The following PPARGC1A variants were observed in gnomAD, a reference collection of about 807,000 sequenced individuals.
PPARGC1A encodes the protein PPARG coactivator 1 alpha.
In PPARGC1A, 25 loss-of-function variants were observed where a neutral mutation model predicts 88.7. The ratio of observed to expected loss-of-function variants is 0.28; its 90% CI spans 0.21 to 0.39. The LOEUF is 0.39. PPARGC1A is among the 10% of genes least tolerant of loss of function. The pLI is 1.00. For missense variants in PPARGC1A, 880 were observed against 968.7 expected, an observed-to-expected ratio of 0.91 and a Z score of 1.22; for synonymous variants, 363 against 355.6, an observed-to-expected ratio of 1.02 and a Z score of -0.24.
the PPARGC1A span, among the ~76,000 whole-genome samples, chr4:24,179,043 C>A: frequency 0.017 from 2,631 of 150,860 alleles, 81 homozygotes; most frequent in East Asian, 0.099. Flanking sequence ...TGTGCTAGGA[C>A]TAAGCAGTGT....
chr4:23,904,101 C>G (rs570742057), upstream of PPARGC1A: 2 of 944,418 alleles, frequency 2.1e-6, no homozygotes, highest in South Asian at 9.8e-5. Flanking sequence ...ACAAGGGCTT[C>G]GGCAGGCCAC....
chr4:23,822,733 C>T (rs535189817), intron 7 of PPARGC1A, among the ~76,000 whole-genome samples: 1 of 152,182 alleles, frequency 6.6e-6, no homozygotes, highest in South Asian at 2.1e-4. Context: ...CCTCAATCTC[C>T]TCTTTATGTT....
At chr4:23,968,259 A>C in the PPARGC1A span, among the ~76,000 whole-genome samples, 294 of 152,360 alleles carry the variant, frequency 1.9e-3, 1 homozygote, top group Non-Finnish European at 1.4e-3. Flanking sequence ...GAACATATTC[A>C]GTAGGGCATA....
chr4:23,981,118 C>A, the PPARGC1A span, among the ~76,000 whole-genome samples: 1 of 151,970 alleles, frequency 6.6e-6, no homozygotes, highest in Non-Finnish European at 1.5e-5. Context: ...TTGCAAAGCA[C>A]TTCTACACAT....
At chr4:23,898,563 C>T (rs1205420600) in intron 1 of PPARGC1A, among the ~76,000 whole-genome samples, 1 of 152,210 alleles carries the variant, frequency 6.6e-6, no homozygotes, top group Non-Finnish European at 1.5e-5. Context: ...GCTGGGTTCT[C>T]ACTAGCAGTA....
chr4:24,307,298 C>T, the PPARGC1A span, among the ~76,000 whole-genome samples: 4 of 152,148 alleles, frequency 2.6e-5, no homozygotes, highest in Non-Finnish European at 5.9e-5. Context: ...CCAAGTGACC[C>T]TTGGAATACA....
chr4:24,469,292 A>G, the PPARGC1A span, among the ~76,000 whole-genome samples: 3 of 152,178 alleles, frequency 2.0e-5, no homozygotes, highest in Non-Finnish European at 2.9e-5. Flanking sequence ...GCCCATGCTC[A>G]AATGCTGAAA....
the PPARGC1A span, among the ~76,000 whole-genome samples, chr4:24,095,751 A>T: frequency 6.6e-6 from 1 of 152,194 alleles, no homozygotes; most frequent in Non-Finnish European, 1.5e-5. Flanking sequence ...AAACCAAGGC[A>T]CTGGCAGGTC....
the PPARGC1A span, among the ~76,000 whole-genome samples, chr4:24,082,469 C>G: frequency 6.6e-6 from 1 of 151,994 alleles, no homozygotes; most frequent in Admixed American, 6.5e-5. Context: ...GCTCTGTGTA[C>G]TGGGGACTAG....
chr4:23,835,330 G>T (rs1212672734), intron 2 of PPARGC1A, among the ~76,000 whole-genome samples: 1 of 152,100 alleles, frequency 6.6e-6, no homozygotes, highest in Non-Finnish European at 1.5e-5. Flanking sequence ...CAAATACAAT[G>T]GCAAAAATAT....
chr4:24,023,196 C>T, the PPARGC1A span, among the ~76,000 whole-genome samples: 1 of 152,072 alleles, frequency 6.6e-6, no homozygotes, highest in African/African-American at 2.4e-5. Context: ...CTGACAAATA[C>T]TTGCCATAGG....
chr4:24,313,098 T>TC, the PPARGC1A span, among the ~76,000 whole-genome samples: 1 of 152,156 alleles, frequency 6.6e-6, no homozygotes, highest in South Asian at 2.1e-4. Context: ...CAGCGAATGA[T>TC]AACACAACAA....
chr4:24,138,126 A>G, the PPARGC1A span, among the ~76,000 whole-genome samples: 2 of 152,294 alleles, frequency 1.3e-5, no homozygotes, highest in East Asian at 3.9e-4. Context: ...TCACCAGATT[A>G]AACCAGCTAC....
the PPARGC1A span, among the ~76,000 whole-genome samples, chr4:24,375,185 T>C: frequency 6.6e-6 from 1 of 152,130 alleles, no homozygotes; most frequent in Admixed American, 6.6e-5. Flanking sequence ...GAAAACAGTA[T>C]TATTAAAAAG....
At chr4:24,342,793 A>C in the PPARGC1A span, among the ~76,000 whole-genome samples, 2 of 152,200 alleles carry the variant, frequency 1.3e-5, no homozygotes, top group Admixed American at 6.5e-5. Context: ...GTTGGGTTCT[A>C]TCATGGGCAC....
At chr4:23,822,341 C>T (rs1434539005) in intron 7 of PPARGC1A, among the ~76,000 whole-genome samples, 2 of 151,910 alleles carry the variant, frequency 1.3e-5, no homozygotes, top group South Asian at 2.1e-4. Context: ...GTTTGTTTTC[C>T]CTGAAGGCTC....
At chr4:24,149,749 G>A in the PPARGC1A span, among the ~76,000 whole-genome samples, 27 of 152,150 alleles carry the variant, frequency 1.8e-4, no homozygotes, top group African/African-American at 6.3e-4. Context: ...CCCGAGCAGC[G>A]TGGAAGCTTT....
the PPARGC1A span, among the ~76,000 whole-genome samples, chr4:24,472,442 G>A: frequency 1.5e-3 from 230 of 152,146 alleles, 4 homozygotes; most frequent in East Asian, 0.036. The surrounding 1 kb of genome is among the most constrained non-coding windows in gnomAD (Gnocchi z 4.5). Context: ...GGTGTCTTCC[G>A]ACAGCCCGCA....
the PPARGC1A span, among the ~76,000 whole-genome samples, chr4:24,051,937 A>C: frequency 2.4e-3 from 79 of 32,812 alleles, no homozygotes; most frequent in Admixed American, 3.4e-3. Flanking sequence ...GATTTGCACA[A>C]AAAAAAAAAA....
Sources: allele counts gnomAD v4.1 joint callset (sites outside exome capture counted in the v4.1 genomes callset), GRCh38; gene constraint gnomAD v4.1.1; non-coding constraint Gnocchi (gnomAD v3.1); transcripts MANE v1.5; gene names NCBI Gene and HGNC (gene_info 2026-07-23, HGNC 2026-07-21).